Variants in ZNF521 observed in about 807,000 individuals in gnomAD.
ZNF521 encodes the protein LYST-interacting protein 3.
Under a neutral mutation model 105.5 loss-of-function variants are expected in ZNF521, and 14 were observed. The observed-to-expected ratio is 0.13, with a 90% CI of 0.09 to 0.21. ZNF521 has a LOEUF of 0.21. Among genes scored for constraint, ZNF521 ranks in the 10% least tolerant of loss-of-function variants. ZNF521 has a pLI of 1.00. For synonymous variants in ZNF521, 635 were observed against 606.0 expected (o/e 1.05, Z -0.70); for missense variants, 1,233 against 1,629.7 (o/e 0.76, Z 4.19).
intron 5 of ZNF521, among the ~76,000 whole-genome samples, chr18:25,124,672 CAAAT>C (rs752679697): frequency 2.3e-4 from 35 of 152,016 alleles, no homozygotes; most frequent in Non-Finnish European, 4.3e-4. Context: ...ATTGGAGAAA[CAAAT>C]AAATGACTTA....
chr18:25,214,445 GTTCA>G (rs1056330254), intron 4 of ZNF521, among the ~76,000 whole-genome samples: 3 of 151,830 alleles, frequency 2.0e-5, no homozygotes, highest in Non-Finnish European at 4.4e-5. Context: ...CCTCCTTGTT[GTTCA>G]TTGTTTCTTT....
intron 5 of ZNF521, among the ~76,000 whole-genome samples, chr18:25,094,954 T>C (rs562617523): frequency 6.6e-6 from 1 of 152,264 alleles, no homozygotes; most frequent in Admixed American, 6.5e-5. Flanking sequence ...ATGAAACTTA[T>C]TTATAGTAAG....
chr18:25,168,067 A>G (rs1350693222), intron 5 of ZNF521, among the ~76,000 whole-genome samples: 1 of 152,210 alleles, frequency 6.6e-6, no homozygotes. Context: ...AGTCTTCTGC[A>G]GATCCATTTC....
intron 3 of ZNF521, among the ~76,000 whole-genome samples, chr18:25,266,845 A>T (rs991082069): frequency 6.6e-6 from 1 of 152,130 alleles, no homozygotes; most frequent in Admixed American, 6.5e-5. Flanking sequence ...GCAGACACTG[A>T]GCTAGCTGCA....
At chr18:25,288,878 C>T (rs553412515) in intron 3 of ZNF521, among the ~76,000 whole-genome samples, 7 of 152,336 alleles carry the variant, frequency 4.6e-5, no homozygotes, top group African/African-American at 1.7e-4. Flanking sequence ...TACTGCCAGA[C>T]ATCAGCCTTG....
chr18:25,261,284 T>C (rs762017963), intron 3 of ZNF521, among the ~76,000 whole-genome samples: 2 of 152,172 alleles, frequency 1.3e-5, no homozygotes, highest in Admixed American at 6.5e-5. Context: ...GGATGACCTT[T>C]AAAACTCAGT....
chr18:25,200,566 C>T (rs376992368), intron 4 of ZNF521, among the ~76,000 whole-genome samples: 1 of 152,150 alleles, frequency 6.6e-6, no homozygotes, highest in Non-Finnish European at 1.5e-5. Flanking sequence ...TCTCCATTCA[C>T]TTCTATCAGA....
chr18:25,120,757 T>C (rs1202574436), intron 5 of ZNF521, among the ~76,000 whole-genome samples: 1 of 152,212 alleles, frequency 6.6e-6, no homozygotes, highest in African/African-American at 2.4e-5. Flanking sequence ...CTTATTCTTA[T>C]TACTGTAATA....
chr18:25,164,540 G>C (rs151199904), intron 5 of ZNF521, among the ~76,000 whole-genome samples: 1 of 152,200 alleles, frequency 6.6e-6, no homozygotes, highest in Non-Finnish European at 1.5e-5. Context: ...GTTACTATCA[G>C]TTTAATTTAA....
At chr18:25,065,550 C>T (rs955336229) in intron 7 of ZNF521, among the ~76,000 whole-genome samples, 2 of 151,636 alleles carry the variant, frequency 1.3e-5, no homozygotes, top group Admixed American at 1.3e-4. Context: ...TGGTCCCAAG[C>T]ATTTTAAAAA....
At chr18:25,167,419 G>C (rs1394974730) in intron 5 of ZNF521, among the ~76,000 whole-genome samples, 1 of 152,128 alleles carries the variant, frequency 6.6e-6, no homozygotes, top group Non-Finnish European at 1.5e-5. Context: ...TGACAGAAGT[G>C]TTTTAGGAAT....
At chr18:25,195,807 C>T (rs1300637256) in intron 4 of ZNF521, among the ~76,000 whole-genome samples, 1 of 151,714 alleles carries the variant, frequency 6.6e-6, no homozygotes, top group African/African-American at 2.4e-5. Flanking sequence ...GTACCTCATC[C>T]TATAAAGAAA....
At chr18:25,229,985 C>T (rs1600184937) in intron 3 of ZNF521, among the ~76,000 whole-genome samples, 1 of 152,116 alleles carries the variant, frequency 6.6e-6, no homozygotes. Context: ...ATCCCTAACA[C>T]CAGGCTTAAT....
rs1247324899 is a variant in ZNF521, at chr18:25,150,888, TTTC to T, written c.3658+44269_3658+44271del. On this transcript the variant is annotated intron_variant, in intron 5 of 7. Coordinates refer to ENST00000361524, the MANE Select transcript of ZNF521 (RefSeq NM_015461.3). ...TGGCTCCAGCTCTTTTTTTTTCTTT[TTTC>T]TTTTTTTTTTTTTTTGAGACAGAGT... Among the ~76,000 whole-genome samples, 156 of 137,452 alleles carry T rather than the reference TTTC, an allele frequency of 1.1e-3. 1 individual carries two copies. The highest frequency in any genetic ancestry group is 3.5e-3 in the African/African-American group (136 of 38,624). The allele number at this position is 137,452 out of a possible 152,430, so 90.2% of individuals were successfully genotyped here.
intron 7 of ZNF521, among the ~76,000 whole-genome samples, chr18:25,069,540 T>C (rs1257461577): frequency 6.6e-6 from 1 of 152,146 alleles, no homozygotes; most frequent in Admixed American, 6.5e-5. Context: ...ACCCCAAAGT[T>C]TCTACTGCCC....
In ZNF521 at chr18:25,226,553, A is replaced by G; in HGVS notation, c.1365T>C (p.His455=). 6.2e-7 allele frequency: 1 copy of G among 1,614,122 alleles called. No individual in the cohort carries two copies. Among genetic ancestry groups the G allele is most frequent in the African/African-American group, 1.3e-5 (1 of 75,024 alleles). ...VLPSLYNLNE[H]LKQVHEAQDP... ...CCTGAGCTTCATGCACTTGCTTAAG[A>G]TGTTCATTTAGGTTATAGAGTGAGG... The change falls in exon 4 of 8, where the codon CAT becomes CAC. Residue 455 remains histidine, a synonymous_variant. Coordinates refer to ENST00000361524, the MANE Select transcript of ZNF521 (RefSeq NM_015461.3). The surrounding 1 kb of genome is among the most constrained non-coding windows in gnomAD (Gnocchi z 4.1).
At chr18:25,349,065 T>C (rs1342320958) in intron 2 of ZNF521, among the ~76,000 whole-genome samples, 3 of 152,170 alleles carry the variant, frequency 2.0e-5, no homozygotes. Context: ...ACTTTTTTTT[T>C]TTTGAAAAGA....
In ZNF521 at chr18:25,224,518, C is replaced by G. The variant is rs757758786; in HGVS notation, c.3400G>C (p.Gly1134Arg). Residue 1134 changes from glycine (G) to arginine (R), a missense_variant, in exon 4 of 8, where the codon GGG becomes CGG. Around this residue, in one of 6 missense-constraint regions of ZNF521, gnomAD observed 614 missense variants for 751.5 expected, o/e 0.82. Transcript: ENST00000361524. ...LSAIEGKGKV[G>R]GLKTRCSSCN... ...CTAGAGCAGCGTGTCTTCAGTCCCC[C>G]CACCTTGCCTTTCCCCTCAATGGCA... The G allele has an allele frequency of 1.9e-6, 3 of 1,614,004 alleles. No individual in the cohort carries two copies. The African/African-American group carries it at 4.0e-5, about 22-fold the overall frequency.
chr18:25,163,450 C>T (rs7243820), intron 5 of ZNF521, among the ~76,000 whole-genome samples: 140,693 of 152,214 alleles, frequency 0.92, 65,414 homozygotes, highest in Non-Finnish European at 0.98. Flanking sequence ...TAGCACCGTG[C>T]TATTGGTTTG....
Sources: allele counts gnomAD v4.1 joint callset (sites outside exome capture counted in the v4.1 genomes callset), GRCh38; gene constraint gnomAD v4.1.1; regional missense constraint gnomAD v4.1.1; non-coding constraint Gnocchi (gnomAD v3.1); transcripts MANE v1.5; gene names NCBI Gene and HGNC (gene_info 2026-07-23, HGNC 2026-07-21).